SDHB: variants seen among roughly 807,000 people sequenced by gnomAD.
SDHB encodes succinate dehydrogenase complex iron sulfur subunit B.
SDHB carries 21 observed loss-of-function variants against 39.7 expected under a neutral mutation model. The observed-to-expected ratio is 0.53, with a 90% CI of 0.37 to 0.76. The LOEUF is 0.76. SDHB is among the 30% of genes least tolerant of loss of function. The pLI is 0.00. For synonymous variants in SDHB, 118 were observed against 117.0 expected (o/e 1.01, Z -0.06); for missense variants, 343 against 350.9 (o/e 0.98, Z 0.18).
chr1:17,037,271 T>C (rs1379945550), intron 2 of SDHB, among the ~76,000 whole-genome samples: 1 of 152,004 alleles, frequency 6.6e-6, no homozygotes, highest in Non-Finnish European at 1.5e-5. Flanking sequence ...TTAGTTCTAA[T>C]AGTTCCTAGG....
intron 2 of SDHB, among the ~76,000 whole-genome samples, chr1:17,035,454 A>G (rs775711953): frequency 6.6e-6 from 1 of 152,182 alleles, no homozygotes; most frequent in Non-Finnish European, 1.5e-5. Context: ...TTGTTGCTAC[A>G]TTTTTATTCT....
intron 2 of SDHB, among the ~76,000 whole-genome samples, chr1:17,040,726 A>C (rs1022959347): frequency 1.7e-4 from 26 of 152,086 alleles, no homozygotes; most frequent in African/African-American, 6.0e-4. Flanking sequence ...AGCTTCCCAA[A>C]GTGCTGGGAT....
intron 4 of SDHB, 106 bp downstream of exon 4, chr1:17,028,494 C>G: frequency 1.7e-6 from 2 of 1,179,220 alleles, no homozygotes; most frequent in Non-Finnish European, 2.5e-6. Flanking sequence ...AGAAGAGGAG[C>G]CTTAAATACT....
chr1:17,022,821 A>C, intron 6 of SDHB, 91 bp from the exon 7 acceptor site: 1 of 1,506,130 alleles, frequency 6.6e-7, no homozygotes, highest in Non-Finnish European at 9.0e-7. Context: ...TGCAGAGGAA[A>C]GGGAATTCAC....
Position 17,028,647 on chromosome 1 carries a change from T to C in SDHB, c.376A>G (p.Lys126Glu), listed in dbSNP as rs202095022. 19 of 1,614,056 alleles carry C rather than the reference T, an allele frequency of 1.2e-5. No homozygotes were observed. Among genetic ancestry groups the C allele is most frequent in the Non-Finnish European group, 1.4e-5 (16 of 1,180,034 alleles). Residue 126 changes from lysine (K) to glutamate (E), a missense_variant, in exon 4 of 8, where the codon AAA becomes GAA. By Grantham distance (56) the Lys-to-Glu change is moderately conservative. Transcript: ENST00000375499. ...RIDTNLNKVS[K>E]IYPLPHMYVI... ...TACATGTGTGGAAGAGGGTAGATTT[T>C]TGAGACCTTATTGAGGTTGGTGTCA...
intron 2 of SDHB, among the ~76,000 whole-genome samples, chr1:17,036,281 T>G (rs758364602): frequency 6.6e-6 from 1 of 152,138 alleles, no homozygotes; most frequent in Non-Finnish European, 1.5e-5. Flanking sequence ...TCAACAATGT[T>G]TTACAGTTTT....
At chr1:17,047,396 G>A (rs2078117425) in intron 1 of SDHB, among the ~76,000 whole-genome samples, 1 of 151,838 alleles carries the variant, frequency 6.6e-6, no homozygotes, top group Non-Finnish European at 1.5e-5. Context: ...ATAATACTGA[G>A]ACTCCACATA....
chr1:17,020,940 C>T (rs1204158770), intron 7 of SDHB, among the ~76,000 whole-genome samples: 1 of 152,236 alleles, frequency 6.6e-6, no homozygotes, highest in African/African-American at 2.4e-5. Flanking sequence ...TTCAAACACA[C>T]AGTGTGATCT....
intron 3 of SDHB, among the ~76,000 whole-genome samples, chr1:17,030,273 T>C (rs1170896544): frequency 1.3e-5 from 2 of 152,048 alleles, no homozygotes; most frequent in Non-Finnish European, 2.9e-5. Flanking sequence ...CGGCCTCAAG[T>C]AATCCTTCTG....
chr1:17,021,762 A>G (rs2077963155), intron 7 of SDHB, among the ~76,000 whole-genome samples: 1 of 151,926 alleles, frequency 6.6e-6, no homozygotes, highest in Non-Finnish European at 1.5e-5. Context: ...AAAAAAAAAA[A>G]GGCTGAGCTT....
At position 17,024,864 on chromosome 1, in the gene SDHB, G is replaced by C. The variant is rs187752080; in HGVS notation, c.541-790C>G. ...AAATGAAAGGGGCCCACTGACACCT[G>C]AAGTGACAGTTGAGAACAGATGAGA... On this transcript the variant is annotated intron_variant, in intron 5 of 7. Coordinates refer to ENST00000375499, the MANE Select transcript of SDHB (RefSeq NM_003000.3). Among the ~76,000 whole-genome samples, 90 of 152,320 alleles carry C rather than the reference G, an allele frequency of 5.9e-4. 1 individual carries two copies. The East Asian group carries it at 0.014, about 24-fold the overall frequency.
intron 5 of SDHB, among the ~76,000 whole-genome samples, chr1:17,026,296 G>A (rs2077990585): frequency 6.6e-6 from 1 of 152,184 alleles, no homozygotes. Context: ...TGACTTGCAG[G>A]CCACTGTGCT....
At position 17,040,016 on chromosome 1, in the gene SDHB, A is replaced by T. The variant is rs145459633; in HGVS notation, c.200+4745T>A. On this transcript the variant is annotated intron_variant, in intron 2 of 7. Transcript: ENST00000375499. ...TGTAGTACTGGTCTTCTGGCCATGA[A>T]TTCTTTTCTTTTCTGTTTACCTGAA... Among the ~76,000 whole-genome samples, 384 of 152,280 alleles carry T rather than the reference A, an allele frequency of 2.5e-3. 1 individual carries two copies. Among genetic ancestry groups the T allele is most frequent in the African/African-American group, 8.9e-3 (371 of 41,560 alleles).
chr1:17,036,777 AATATAAATACAT>A (rs2078052642), intron 2 of SDHB, among the ~76,000 whole-genome samples: 1 of 144,566 alleles, frequency 6.9e-6, no homozygotes, highest in African/African-American at 2.5e-5. Context: ...TGAATATATA[AATATAAATACAT>A]ATATAAATAT....
chr1:17,045,295 G>C (rs1003144151), intron 1 of SDHB: 1 of 264,392 alleles, frequency 3.8e-6, no homozygotes, highest in Non-Finnish European at 7.5e-6. Flanking sequence ...GTGGAGGCTT[G>C]ACAAACCAGA....
chr1:17,053,563 G>C (rs1044359076), intron 1 of SDHB, among the ~76,000 whole-genome samples: 3 of 152,036 alleles, frequency 2.0e-5, no homozygotes, highest in Non-Finnish European at 2.9e-5. Flanking sequence ...CACCCCGCAG[G>C]TCTCCCTTTT....
At chr1:17,046,999 G>A (rs562755640) in intron 1 of SDHB, among the ~76,000 whole-genome samples, 69 of 152,306 alleles carry the variant, frequency 4.5e-4, no homozygotes, top group African/African-American at 1.5e-3. Context: ...TTACAGGCGT[G>A]AGCCACCGTG....
chr1:17,031,890 A>C (rs1246569734), intron 3 of SDHB, among the ~76,000 whole-genome samples: 1 of 152,138 alleles, frequency 6.6e-6, no homozygotes, highest in Non-Finnish European at 1.5e-5. Context: ...CCGGCTCTCA[A>C]GTCACTCTCT....
chr1:17,037,301 CT>C (rs1376079890), intron 2 of SDHB, among the ~76,000 whole-genome samples: 1 of 145,922 alleles, frequency 6.9e-6, no homozygotes, highest in East Asian at 1.9e-4. Flanking sequence ...CTTATATTTT[CT>C]TTTCTTTTTT....
Sources: allele counts gnomAD v4.1 joint callset (sites outside exome capture counted in the v4.1 genomes callset), GRCh38; gene constraint gnomAD v4.1.1; transcripts MANE v1.5; gene names NCBI Gene and HGNC (gene_info 2026-07-23, HGNC 2026-07-21).